LNX1: variants seen among roughly 807,000 people sequenced by gnomAD.
The protein encoded by LNX1 is ligand of numb-protein X 1.
In LNX1, 54 loss-of-function variants were observed where a neutral mutation model predicts 68.4. That is an observed-to-expected ratio of 0.79 (90% CI 0.63 to 0.99). The LOEUF (loss-of-function observed/expected upper bound fraction) is 0.99, where lower values mean the gene tolerates loss of function less well. Among genes scored for constraint, LNX1 ranks in the 50% least tolerant of loss-of-function variants. LNX1 has a pLI of 0.00. For synonymous variants in LNX1, 336 were observed against 350.0 expected (o/e 0.96, Z 0.45); for missense variants, 906 against 926.4 (o/e 0.98, Z 0.29).
At chr4:53,490,183 T>C (rs1156673115) in intron 6 of LNX1, among the ~76,000 whole-genome samples, 1 of 152,166 alleles carries the variant, frequency 6.6e-6, no homozygotes, top group Middle Eastern at 3.2e-3. Flanking sequence ...AAGCCCCTAT[T>C]ATCATTGGCT....
In LNX1 at chr4:53,481,739, T is replaced by A; in HGVS notation, c.1466A>T (p.Glu489Val). Residue 489 changes from glutamate (E) to valine (V), a missense_variant, in exon 7 of 11, where the codon GAG becomes GTG. Glu to Val is a moderately radical substitution (Grantham distance 121). Coordinates refer to ENST00000263925, the MANE Select transcript of LNX1 (RefSeq NM_001126328.3). ...SNGSWSPGPG[E>V]RSNTPKPLHP... ...CCTCACCTTGGGAGTGTTGCTCCTC[T>A]CCCCTGGCCCTGGGGACCAGCTGCC... The A allele has an allele frequency of 6.2e-7, 1 of 1,613,754 alleles. No homozygotes were observed. Among genetic ancestry groups the A allele is most frequent in the South Asian group, 1.1e-5 (1 of 91,058 alleles).
intron 1 of LNX1, among the ~76,000 whole-genome samples, chr4:53,586,697 A>G (rs1458951512): frequency 6.6e-6 from 1 of 152,232 alleles, no homozygotes; most frequent in Non-Finnish European, 1.5e-5. Flanking sequence ...GGATAGGTGA[A>G]GAAGGGCAAA....
chr4:53,481,740 C>A lies in LNX1; in HGVS notation c.1465G>T (p.Glu489Ter). 6.2e-7 allele frequency: 1 copy of A among 1,613,776 alleles called. No homozygotes were observed. The highest frequency in any genetic ancestry group is 1.1e-5 in the South Asian group (1 of 91,050). Residue 489 changes from glutamate to a stop codon, truncating the protein, a stop_gained, in exon 7 of 11, where the codon GAG (glutamate) becomes TAG (stop). Transcript: ENST00000263925. LOFTEE classifies it high-confidence loss of function. ...CTCACCTTGGGAGTGTTGCTCCTCTCCCCTGGCCCTGGGGACCAGCTGCCA... is the reference window on the plus strand; with the variant it reads ...CTCACCTTGGGAGTGTTGCTCCTCTACCCTGGCCCTGGGGACCAGCTGCCA... ...SNGSWSPGPG[E>*]RSNTPKPLHP... is the part of the protein sequence containing the mutation.
chr4:53,581,991 T>C (rs571944046), intron 1 of LNX1, among the ~76,000 whole-genome samples: 1 of 152,332 alleles, frequency 6.6e-6, no homozygotes, highest in Middle Eastern at 3.4e-3. Flanking sequence ...TGCATTCACA[T>C]TAGGATTACT....
intron 1 of LNX1, among the ~76,000 whole-genome samples, chr4:53,629,182 C>T (rs1294165752): frequency 2.6e-5 from 4 of 152,068 alleles, no homozygotes; most frequent in African/African-American, 7.2e-5. Context: ...ACACTGTCCA[C>T]GGCAAATATA....
upstream of LNX1, among the ~76,000 whole-genome samples, chr4:53,619,582 G>T (rs1354722233): frequency 6.6e-6 from 1 of 152,132 alleles, no homozygotes; most frequent in Non-Finnish European, 1.5e-5. Context: ...CATTGTAAGG[G>T]TATACAGCAC....
At chr4:53,604,460 C>T (rs1464875565) in intron 2 of LNX1, among the ~76,000 whole-genome samples, 2 of 152,146 alleles carry the variant, frequency 1.3e-5, no homozygotes, top group Admixed American at 1.3e-4. Context: ...CTGGCAGAGC[C>T]TATGCCAATG....
intron 2 of LNX1, among the ~76,000 whole-genome samples, chr4:53,552,721 C>T (rs1411462124): frequency 1.3e-5 from 2 of 148,686 alleles, no homozygotes; most frequent in South Asian, 2.2e-4. Context: ...CCCAGCTACT[C>T]GGGAGGCTGA....
At chr4:53,531,465 T>C (rs1209845289) in intron 2 of LNX1, among the ~76,000 whole-genome samples, 1 of 152,210 alleles carries the variant, frequency 6.6e-6, no homozygotes, top group Non-Finnish European at 1.5e-5. Flanking sequence ...CCATTATCCA[T>C]CTCATTCTAT....
At position 53,496,091 on chromosome 4, in the gene LNX1, G is replaced by A. The variant is rs146391491; in HGVS notation, c.1282C>T (p.Arg428Cys). The A allele has an allele frequency of 9.9e-6, 16 of 1,614,150 alleles. No homozygotes were observed. Among genetic ancestry groups the A allele is most frequent in the Middle Eastern group, 1.6e-4 (1 of 6,062 alleles). ...TCATGTCCATTGATGGCTAACACACGGTCATTCTCCTCAAGCTGACCATGT... is the reference window on the plus strand; with the variant it reads ...TCATGTCCATTGATGGCTAACACACAGTCATTCTCCTCAAGCTGACCATGT... ...YRHGQLEEND[R>C]VLAINGHDLR... is the part of the protein sequence containing the mutation. The change falls in exon 6 of 11, where the codon CGT (arginine) becomes TGT (cysteine). Residue 428 changes from arginine to cysteine, a missense_variant. Coordinates refer to ENST00000263925, the MANE Select transcript of LNX1 (RefSeq NM_001126328.3).
At chr4:53,508,494 A>G in intron 2 of LNX1, 1 of 414,884 alleles carries the variant, frequency 2.4e-6, no homozygotes, top group Non-Finnish European at 4.4e-6. Context: ...TGGAATGCAA[A>G]TTTATTCAGG....
intron 1 of LNX1, among the ~76,000 whole-genome samples, chr4:53,639,861 G>A (rs1577823044): frequency 6.6e-6 from 1 of 152,158 alleles, no homozygotes; most frequent in East Asian, 1.9e-4. Flanking sequence ...GTGAAACCCT[G>A]TCTCTACTAA....
At chr4:53,625,688 TC>T (rs1239675706) in intron 1 of LNX1, among the ~76,000 whole-genome samples, 2 of 152,206 alleles carry the variant, frequency 1.3e-5, no homozygotes, top group Admixed American at 6.5e-5. Context: ...GCACTTGTGG[TC>T]CCAGAAACTT....
At chr4:53,600,874 G>A (rs1312733900) in intron 2 of LNX1, among the ~76,000 whole-genome samples, 1 of 150,340 alleles carries the variant, frequency 6.7e-6, no homozygotes, top group Non-Finnish European at 1.5e-5. Flanking sequence ...GGGATTACAG[G>A]TGCCCACCAC....
chr4:53,648,532 A>G (rs1168564410), intron 1 of LNX1, among the ~76,000 whole-genome samples: 1 of 152,122 alleles, frequency 6.6e-6, no homozygotes, highest in Non-Finnish European at 1.5e-5. Context: ...TGATTTGCCA[A>G]TGTTTTCTCT....
At chr4:53,544,993 C>T (rs930961985) in intron 2 of LNX1, among the ~76,000 whole-genome samples, 4 of 152,154 alleles carry the variant, frequency 2.6e-5, no homozygotes, top group Non-Finnish European at 5.9e-5. Context: ...TTGCATTGCA[C>T]GAAGGTGGAG....
chr4:53,640,707 A>G (rs1734646298), intron 1 of LNX1, among the ~76,000 whole-genome samples: 1 of 152,162 alleles, frequency 6.6e-6, no homozygotes, highest in Non-Finnish European at 1.5e-5. Flanking sequence ...TTATAGAAAT[A>G]CTGTGCCTAG....
Position 53,496,156 on chromosome 4 carries a change from AC to A in LNX1, c.1216del (p.Val406PhefsTer25), listed in dbSNP as rs778619926. On this transcript the variant is annotated frameshift_variant, in exon 6 of 11. Coordinates refer to ENST00000263925, the MANE Select transcript of LNX1 (RefSeq NM_001126328.3). LOFTEE classifies it high-confidence loss of function. ...KLVRKVDEPG[V>X]FIFNVLDGGV... ...GCCATCCAGCACATTGAAGATGAAAACCCCAGGCTCATCCACCTTGCGCACC... is the reference window on the plus strand; with the variant it reads ...GCCATCCAGCACATTGAAGATGAAAACCCAGGCTCATCCACCTTGCGCACC... 6.2e-7 allele frequency: 1 copy of A among 1,613,298 alleles called. No individual in the cohort carries two copies.
At chr4:53,478,085 G>A (rs1303556209) in intron 8 of LNX1, among the ~76,000 whole-genome samples, 1 of 152,078 alleles carries the variant, frequency 6.6e-6, no homozygotes, top group Non-Finnish European at 1.5e-5. Context: ...TGAGCTTAAA[G>A]TAGTGAAATA....
Sources: allele counts gnomAD v4.1 joint callset (sites outside exome capture counted in the v4.1 genomes callset), GRCh38; gene constraint gnomAD v4.1.1; transcripts MANE v1.5; gene names NCBI Gene and HGNC (gene_info 2026-07-23, HGNC 2026-07-21).